Variants in ZMYND11 observed in about 807,000 individuals in gnomAD.
ZMYND11 encodes zinc finger MYND-type containing 11, also known as zinc finger MYND domain-containing protein 11.
In ZMYND11, 9 loss-of-function variants were observed where a neutral mutation model predicts 84.9. The ratio of observed to expected loss-of-function variants is 0.11; its 90% CI spans 0.06 to 0.18. The LOEUF (loss-of-function observed/expected upper bound fraction) is 0.18. ZMYND11 is among the 10% of genes least tolerant of loss of function. ZMYND11 has a pLI of 1.00. For synonymous variants in ZMYND11, 250 were observed against 244.1 expected (o/e 1.02, Z -0.23); for missense variants, 409 against 761.0 (o/e 0.54, Z 5.44).
chr10:247,746 A>G (rs1189859467), intron 12 of ZMYND11, among the ~76,000 whole-genome samples: 2 of 152,230 alleles, frequency 1.3e-5, no homozygotes, highest in African/African-American at 4.8e-5. Flanking sequence ...ATTGCTATTA[A>G]TACATTTCCT....
At chr10:227,142 A>G (rs1394725791) in intron 4 of ZMYND11, among the ~76,000 whole-genome samples, 1 of 152,314 alleles carries the variant, frequency 6.6e-6, no homozygotes, top group South Asian at 2.1e-4. Context: ...ACTAATTTCA[A>G]AATACTTTGG....
intron 2 of ZMYND11, among the ~76,000 whole-genome samples, chr10:200,098 A>T (rs924746940): frequency 6.6e-6 from 1 of 151,464 alleles, no homozygotes; most frequent in Admixed American, 6.6e-5. Flanking sequence ...TGATGAATAC[A>T]CACCATTTCT....
At chr10:204,178 C>A (rs1321875085) in intron 2 of ZMYND11, among the ~76,000 whole-genome samples, 2 of 152,112 alleles carry the variant, frequency 1.3e-5, no homozygotes, top group East Asian at 3.9e-4. Flanking sequence ...GTAGGGCTCC[C>A]TCTCCTTTCC....
intron 1 of ZMYND11, among the ~76,000 whole-genome samples, chr10:158,992 T>TTG (rs1554760509): frequency 1.4e-4 from 11 of 80,246 alleles, no homozygotes; most frequent in South Asian, 3.4e-4. Context: ...TTGTTTTTTG[T>TTG]TTTTTTTTTT....
At chr10:208,169 C>T (rs1176383366) in intron 2 of ZMYND11, among the ~76,000 whole-genome samples, 7 of 152,310 alleles carry the variant, frequency 4.6e-5, no homozygotes, top group African/African-American at 1.7e-4. Context: ...AAGACTTAAA[C>T]GTTTGACCTA....
chr10:185,617 C>CA (rs1430013100), intron 2 of ZMYND11, among the ~76,000 whole-genome samples: 3 of 151,032 alleles, frequency 2.0e-5, no homozygotes, highest in Admixed American at 2.0e-4. Flanking sequence ...GGTTCGAGAC[C>CA]AGCCTTGCCA....
At chr10:190,236 T>C (rs1939981272) in intron 2 of ZMYND11, among the ~76,000 whole-genome samples, 1 of 152,204 alleles carries the variant, frequency 6.6e-6, no homozygotes, top group Admixed American at 6.5e-5. Flanking sequence ...CCCCTAGCTT[T>C]GCTAGTCTCT....
chr10:133,068 G>A (rs1835358309), upstream of ZMYND11, among the ~76,000 whole-genome samples: 1 of 152,098 alleles, frequency 6.6e-6, no homozygotes, highest in African/African-American at 2.4e-5. Context: ...TTCAGCTGAG[G>A]GGCAAATGAG....
At chr10:140,715 G>C (rs1837312542) in intron 1 of ZMYND11, among the ~76,000 whole-genome samples, 1 of 152,096 alleles carries the variant, frequency 6.6e-6, no homozygotes, top group Non-Finnish European at 1.5e-5. Flanking sequence ...TAAAGTGCTG[G>C]GTAAATTCTT....
chr10:183,475 A>G (rs187585416), intron 2 of ZMYND11, among the ~76,000 whole-genome samples: 6 of 152,250 alleles, frequency 3.9e-5, no homozygotes, highest in Middle Eastern at 3.4e-3. Context: ...GTACATAGCA[A>G]TTGACGCTAG....
In ZMYND11 at chr10:209,974, A is replaced by G; in HGVS notation, c.202A>G (p.Thr68Ala). Residue 68 changes from threonine (T) to alanine (A), a missense_variant, in exon 3 of 15, where the codon ACT becomes GCT. Transcript: ENST00000381604. ...TGTGAAAGATGGTCTTATTGTCGAA[A>G]CTCTAACAGTGGGCTGCAAAGGTTC... is the stretch of plus-strand genomic sequence containing the variant. ...LAVKDGLIVE[T>A]LTVGCKGSKA... 6.2e-7 allele frequency: 1 copy of G among 1,614,062 alleles called. No homozygotes were observed.
intron 4 of ZMYND11, among the ~76,000 whole-genome samples, chr10:230,228 A>G (rs909136616): frequency 6.6e-6 from 1 of 152,156 alleles, no homozygotes; most frequent in East Asian, 1.9e-4. Context: ...TAATCCCAGC[A>G]CTGTGGGAGG....
chr10:250,053 A>G (rs1305116196), intron 14 of ZMYND11, among the ~76,000 whole-genome samples: 1 of 152,318 alleles, frequency 6.6e-6, no homozygotes, highest in East Asian at 1.9e-4. Flanking sequence ...CCTTCAGTAC[A>G]AGTGAAAGCG....
intron 1 of ZMYND11, among the ~76,000 whole-genome samples, chr10:158,991 G>GTTTT (rs71374342): frequency 3.4e-5 from 2 of 58,576 alleles, no homozygotes; most frequent in Non-Finnish European, 6.6e-5. Flanking sequence ...TTTGTTTTTT[G>GTTTT]TTTTTTTTTT....
In ZMYND11 at chr10:246,890, G is replaced by A. The variant is rs775496222; in HGVS notation, c.1075G>A (p.Glu359Lys). Residue 359 changes from glutamate (E) to lysine (K), a missense_variant, in exon 11 of 15, where the codon GAA (glutamate) becomes AAA (lysine). By Grantham distance (56) the Glu-to-Lys change is moderately conservative. Coordinates refer to ENST00000381604, the MANE Select transcript of ZMYND11 (RefSeq NM_001370100.5). Reference protein sequence around the residue: ...ELELHQRFLREGRFWKSKNED... With the variant: ...ELELHQRFLRKGRFWKSKNED... The stretch of plus-strand genomic sequence containing the variant: ...GGAGCTGCATCAGCGTTTCCTACGA[G>A]AAGGGAGATTTTGGAAATCTAAGAA... 3.7e-6 allele frequency: 6 copies of A among 1,613,942 alleles called. No homozygotes were observed. Among genetic ancestry groups the A allele is most frequent in the Non-Finnish European group, 5.1e-6 (6 of 1,179,984 alleles).
intron 1 of ZMYND11, among the ~76,000 whole-genome samples, chr10:177,688 A>C (rs1200803206): frequency 6.6e-6 from 1 of 152,096 alleles, no homozygotes; most frequent in Non-Finnish European, 1.5e-5. Flanking sequence ...TATTTTTTAT[A>C]GTTCTGAGCA....
chr10:201,856 C>T (rs1343491804), intron 2 of ZMYND11, among the ~76,000 whole-genome samples: 1 of 152,130 alleles, frequency 6.6e-6, no homozygotes. Flanking sequence ...TAGACATTTA[C>T]ATGCCATTTC....
chr10:138,365 C>T (rs1270767673), intron 1 of ZMYND11, among the ~76,000 whole-genome samples: 6 of 152,052 alleles, frequency 3.9e-5, no homozygotes, highest in Admixed American at 6.6e-5. Context: ...GATCCACCTG[C>T]CTTGGCCTCC....
intron 1 of ZMYND11, among the ~76,000 whole-genome samples, chr10:161,493 A>G: frequency 6.6e-6 from 1 of 152,188 alleles, no homozygotes; most frequent in Non-Finnish European, 1.5e-5. Flanking sequence ...TCCTTTGATG[A>G]TTTGAACCCA....
Sources: gnomAD v4.1 joint callset for allele counts (sites outside exome capture counted in the v4.1 genomes callset) on GRCh38, gnomAD v4.1.1 for gene constraint, MANE v1.5 for transcripts, NCBI Gene and HGNC (gene_info 2026-07-23, HGNC 2026-07-21) for gene names.